MEGF11: variants seen among roughly 807,000 people sequenced by gnomAD.
The protein encoded by MEGF11 is multiple EGF like domains 11, also known as multiple epidermal growth factor-like domains protein 11.
In MEGF11, 126 loss-of-function variants were observed where a neutral mutation model predicts 146.6. The observed-to-expected ratio is 0.86, with a 90% CI of 0.74 to 1.00. The LOEUF (loss-of-function observed/expected upper bound fraction) is 1.00. Among genes scored for constraint, MEGF11 ranks in the 50% least tolerant of loss-of-function variants. The pLI is 0.00. For missense variants in MEGF11, 1,509 were observed against 1,521.2 expected (o/e 0.99, Z 0.13); for synonymous variants, 532 against 583.4 (o/e 0.91, Z 1.27).
chr15:66,163,112 C>T (rs1029478698), intron 1 of MEGF11, among the ~76,000 whole-genome samples: 8 of 152,154 alleles, frequency 5.3e-5, no homozygotes, highest in East Asian at 1.9e-4. Context: ...CAACCCCCAA[C>T]GTCTACGGTT....
intron 5 of MEGF11, among the ~76,000 whole-genome samples, chr15:66,066,914 T>C (rs2085153189): frequency 6.6e-6 from 1 of 152,210 alleles, no homozygotes. Flanking sequence ...ACCATCTGCC[T>C]GTCACCCACA....
chr15:66,025,004 C>T (rs1440664479), intron 5 of MEGF11, among the ~76,000 whole-genome samples: 1 of 150,614 alleles, frequency 6.6e-6, no homozygotes, highest in Non-Finnish European at 1.5e-5. Flanking sequence ...CTGTTAATGG[C>T]CGTCAGGGGA....
rs1323048657 is a variant in MEGF11, at chr15:65,916,830, T to C, written c.2213A>G (p.Gln738Arg). The change falls in exon 17 of 26, where the codon CAG becomes CGG. Residue 738 changes from glutamine to arginine, a missense_variant and splice_region_variant. Gln to Arg is a conservative substitution (Grantham distance 43). Coordinates refer to ENST00000395614, the MANE Select transcript of MEGF11 (RefSeq NM_001385028.1). Reference sequence around the variant, plus strand: ...GGAGGCCAGGAGGTGGGGCTTACGCTGTGTGCAGAAGAGTCCAGTCCAGCC... The same window carrying C: ...GGAGGCCAGGAGGTGGGGCTTACGCCGTGTGCAGAAGAGTCCAGTCCAGCC... ...TPGWTGLFCT[Q>R]RCPAAFFGKD... is the part of the protein sequence containing the mutation. 1 of 1,610,326 alleles carries C rather than the reference T, an allele frequency of 6.2e-7. No homozygotes were observed. The highest frequency in any genetic ancestry group is 8.5e-7 in the Non-Finnish European group (1 of 1,178,032).
chr15:66,092,775 C>A (rs552766632), intron 5 of MEGF11, among the ~76,000 whole-genome samples: 4 of 152,178 alleles, frequency 2.6e-5, no homozygotes, highest in Non-Finnish European at 5.9e-5. Context: ...ATACTCAGGG[C>A]CCCGGGGGAC....
intron 10 of MEGF11, among the ~76,000 whole-genome samples, chr15:65,943,124 G>A (rs958109670): frequency 1.3e-5 from 2 of 151,724 alleles, no homozygotes; most frequent in Non-Finnish European, 2.9e-5. Flanking sequence ...GTAGCTGGGA[G>A]GCACATGCCA....
intron 5 of MEGF11, among the ~76,000 whole-genome samples, chr15:66,072,989 T>A (rs1002458200): frequency 1.3e-5 from 2 of 152,242 alleles, no homozygotes; most frequent in African/African-American, 4.8e-5. Context: ...GGCAGATAGT[T>A]GGCACCAGCC....
At chr15:66,156,395 T>C (rs1269162006) in intron 1 of MEGF11, among the ~76,000 whole-genome samples, 1 of 152,070 alleles carries the variant, frequency 6.6e-6, no homozygotes, top group African/African-American at 2.4e-5. Context: ...AATTTCAAAA[T>C]TCAAGCCACC....
chr15:65,918,425 A>T (rs1439534765), intron 15 of MEGF11, among the ~76,000 whole-genome samples: 4 of 152,258 alleles, frequency 2.6e-5, no homozygotes, highest in African/African-American at 9.6e-5. Context: ...CTGGACTCAC[A>T]GTCCAGTGCT....
At chr15:66,211,228 A>G (rs2091436206) in intron 1 of MEGF11, among the ~76,000 whole-genome samples, 1 of 152,198 alleles carries the variant, frequency 6.6e-6, no homozygotes, top group South Asian at 2.1e-4. Context: ...TGGCCATAAG[A>G]AAGAAAATCA....
intron 5 of MEGF11, among the ~76,000 whole-genome samples, chr15:66,068,470 G>A (rs1364981914): frequency 6.6e-6 from 1 of 152,114 alleles, no homozygotes; most frequent in African/African-American, 2.4e-5. Context: ...ATGTCCCCTG[G>A]CATTAAAAAC....
intron 1 of MEGF11, among the ~76,000 whole-genome samples, chr15:66,151,242 A>C (rs1450260782): frequency 1.3e-5 from 2 of 151,838 alleles, no homozygotes; most frequent in African/African-American, 4.8e-5. Context: ...TGCCCCTCAG[A>C]CTCCTCCCTA....
intron 13 of MEGF11, among the ~76,000 whole-genome samples, chr15:65,927,322 C>A (rs745327983): frequency 1.3e-5 from 2 of 152,194 alleles, no homozygotes; most frequent in Non-Finnish European, 2.9e-5. Flanking sequence ...TGCCCAAGGT[C>A]ATAAACCCCA....
intron 1 of MEGF11, among the ~76,000 whole-genome samples, chr15:66,203,052 G>A (rs16949673): frequency 0.4 from 60,655 of 151,796 alleles, 12,222 homozygotes; most frequent in Middle Eastern, 0.53. Context: ...TCAGTTCACC[G>A]TCCGAGGAGA....
intron 10 of MEGF11, among the ~76,000 whole-genome samples, chr15:65,946,138 A>G (rs891557159): frequency 4.6e-5 from 7 of 152,214 alleles, no homozygotes; most frequent in African/African-American, 1.7e-4. Context: ...CATATGACCC[A>G]ACAGGAACTA....
intron 1 of MEGF11, among the ~76,000 whole-genome samples, chr15:66,158,782 C>T (rs1278083802): frequency 1.3e-5 from 2 of 152,204 alleles, no homozygotes; most frequent in East Asian, 1.9e-4. Flanking sequence ...CTTTGGGTAC[C>T]TGAAGCCTCC....
Position 65,928,543 on chromosome 15 carries a change from G to A in MEGF11, c.1573-16C>T. 1.3e-6 allele frequency: 2 copies of A among 1,561,962 alleles called. No individual in the cohort carries two copies. Among genetic ancestry groups the A allele is most frequent in the Middle Eastern group, 1.7e-4 (1 of 5,942 alleles). On this transcript the variant is annotated splice_polypyrimidine_tract_variant and intron_variant, in intron 12 of 25. Coordinates refer to ENST00000395614, the MANE Select transcript of MEGF11 (RefSeq NM_001385028.1). The stretch of plus-strand genomic sequence containing the variant: ...ATGTGCCATCCTGTGGAGAAGACAG[G>A]GAGAGAAAAATGATCAGACCCAAAC...
At chr15:66,045,766 C>T (rs1036972272) in intron 5 of MEGF11, among the ~76,000 whole-genome samples, 2 of 152,098 alleles carry the variant, frequency 1.3e-5, no homozygotes, top group African/African-American at 4.8e-5. Flanking sequence ...CTTTCTTCAC[C>T]CTTATCTCAT....
chr15:65,961,314 C>T (rs918887683), intron 9 of MEGF11, among the ~76,000 whole-genome samples: 2 of 151,994 alleles, frequency 1.3e-5, no homozygotes, highest in African/African-American at 4.8e-5. Context: ...TTCCCCCAGA[C>T]ATAGATTAAT....
chr15:66,104,400 C>G (rs2086969893), intron 4 of MEGF11, among the ~76,000 whole-genome samples: 3 of 152,244 alleles, frequency 2.0e-5, no homozygotes, highest in African/African-American at 7.2e-5. Flanking sequence ...CTCTTACCCT[C>G]TTACCATAGT....
Sources: gnomAD v4.1 joint callset for allele counts (sites outside exome capture counted in the v4.1 genomes callset) on GRCh38, gnomAD v4.1.1 for gene constraint, MANE v1.5 for transcripts, NCBI Gene and HGNC (gene_info 2026-07-23, HGNC 2026-07-21) for gene names.